The following MICU3 variants were observed in gnomAD, a reference collection of about 807,000 sequenced individuals.
MICU3 encodes the protein mitochondrial calcium uptake 3.
Under a neutral mutation model 66.5 loss-of-function variants are expected in MICU3, and 62 were observed. The observed-to-expected ratio is 0.93, with a 90% CI of 0.76 to 1.15. The LOEUF is 1.15. Ranked by LOEUF, MICU3 falls within the 50% of genes most tolerant of loss-of-function variation. The pLI, the probability that MICU3 is intolerant of heterozygous loss-of-function variation, is 0.00. For missense variants in MICU3, 779 were observed against 664.4 expected (o/e 1.17, Z -1.90); for synonymous variants, 308 against 240.7 (o/e 1.28, Z -2.59).
the MICU3 span, among the ~76,000 whole-genome samples, chr8:17,136,895 C>T: frequency 3.3e-5 from 5 of 149,506 alleles, no homozygotes; most frequent in African/African-American, 1.2e-4. Flanking sequence ...AGTGCAATGG[C>T]GTGATCTCAG....
intron 1 of MICU3, among the ~76,000 whole-genome samples, chr8:17,040,639 A>G (rs1349202801): frequency 2.6e-5 from 4 of 152,202 alleles, no homozygotes; most frequent in East Asian, 1.9e-4. Context: ...CCCCATAAAC[A>G]TATGAAAAAA....
At chr8:17,063,428 T>C (rs1009556240) in intron 1 of MICU3, among the ~76,000 whole-genome samples, 1 of 151,868 alleles carries the variant, frequency 6.6e-6, no homozygotes, top group Non-Finnish European at 1.5e-5. Flanking sequence ...ATCAGGAAAA[T>C]AAATCCTTTT....
At chr8:17,114,915 C>T (rs1297602120) in intron 12 of MICU3, among the ~76,000 whole-genome samples, 1 of 151,880 alleles carries the variant, frequency 6.6e-6, no homozygotes, top group South Asian at 2.1e-4. Flanking sequence ...GTCAGGAGAT[C>T]GAGACCATCC....
chr8:17,042,662 T>A (rs2150531845), intron 1 of MICU3, among the ~76,000 whole-genome samples: 1 of 152,332 alleles, frequency 6.6e-6, no homozygotes, highest in Non-Finnish European at 1.5e-5. Context: ...GTTATTTTTC[T>A]AAATTAGAAA....
chr8:17,074,133 G>A (rs998094050), intron 3 of MICU3, among the ~76,000 whole-genome samples: 50 of 151,218 alleles, frequency 3.3e-4, no homozygotes, highest in African/African-American at 1.2e-4. Flanking sequence ...TGATCCGCCC[G>A]CCTCGGCCTC....
At chr8:17,060,774 T>G (rs1442133015) in intron 1 of MICU3, among the ~76,000 whole-genome samples, 2 of 152,046 alleles carry the variant, frequency 1.3e-5, no homozygotes, top group Non-Finnish European at 2.9e-5. Context: ...TTATCTCTTT[T>G]ATACATATTC....
Position 17,046,571 on chromosome 8 carries a change from A to G in MICU3, c.382-17513A>G, listed in dbSNP as rs184738716. ...AGGGACAGAAATAAAGAAGAAACTA[A>G]TAACTGCAATGGTGTGTGAACTGTG... On this transcript the variant is annotated intron_variant, in intron 1 of 14. Coordinates refer to ENST00000318063, the MANE Select transcript of MICU3 (RefSeq NM_181723.3). 1.8e-3 allele frequency among the ~76,000 whole-genome samples: 268 copies of G among 152,274 alleles called. 6 individuals are homozygous for G. The highest frequency in any genetic ancestry group is 0.017 in the Admixed American group (266 of 15,296).
intron 11 of MICU3, among the ~76,000 whole-genome samples, chr8:17,113,278 C>A (rs1162565851): frequency 3.3e-5 from 5 of 152,234 alleles, no homozygotes. Flanking sequence ...GCTCTTCTCT[C>A]TGTTCTCTTT....
intron 1 of MICU3, among the ~76,000 whole-genome samples, chr8:17,045,045 T>C (rs1396938518): frequency 6.7e-6 from 1 of 148,212 alleles, no homozygotes; most frequent in African/African-American, 2.5e-5. Context: ...CCAGGGCTCT[T>C]TTTTTTTTTT....
intron 13 of MICU3, among the ~76,000 whole-genome samples, chr8:17,117,899 G>A (rs938528046): frequency 2.0e-5 from 3 of 152,094 alleles, no homozygotes; most frequent in East Asian, 1.9e-4. Flanking sequence ...ATGAGCCACC[G>A]TACCCGGCCA....
chr8:17,034,668 G>A (rs1400074357), intron 1 of MICU3, among the ~76,000 whole-genome samples: 1 of 152,216 alleles, frequency 6.6e-6, no homozygotes, highest in Non-Finnish European at 1.5e-5. Context: ...AGTGAAGGAA[G>A]TAGCTGCAGA....
intron 9 of MICU3, among the ~76,000 whole-genome samples, chr8:17,103,782 G>C (rs1801488375): frequency 6.6e-6 from 1 of 151,810 alleles, no homozygotes; most frequent in Non-Finnish European, 1.5e-5. Flanking sequence ...GACGTGTTAC[G>C]TAAGACTTTG....
chr8:17,049,690 G>A (rs1217351191), intron 1 of MICU3: 4 of 508,320 alleles, frequency 7.9e-6, no homozygotes, highest in African/African-American at 1.9e-5. Context: ...AAAAACACTG[G>A]GTTGTGTGTT....
downstream of MICU3, among the ~76,000 whole-genome samples, chr8:17,127,386 G>A (rs1454684105): frequency 6.6e-6 from 1 of 152,120 alleles, no homozygotes; most frequent in African/African-American, 2.4e-5. Context: ...CTGCTAAGTA[G>A]GCAAATTTAA....
intron 1 of MICU3, among the ~76,000 whole-genome samples, chr8:17,055,770 C>T (rs1816822330): frequency 6.6e-6 from 1 of 152,180 alleles, no homozygotes; most frequent in Admixed American, 6.5e-5. Context: ...TCTCTTGGGG[C>T]TCTTATGTGA....
chr8:17,109,057 A>G (rs1478015478), intron 11 of MICU3, among the ~76,000 whole-genome samples: 2 of 152,092 alleles, frequency 1.3e-5, no homozygotes, highest in Non-Finnish European at 2.9e-5. Context: ...TTTCTAATCT[A>G]ATATATAAAT....
At chr8:17,036,915 G>A (rs967089088) in intron 1 of MICU3, among the ~76,000 whole-genome samples, 6 of 152,234 alleles carry the variant, frequency 3.9e-5, no homozygotes, top group Non-Finnish European at 1.5e-5. Context: ...CCACGGAGTG[G>A]GTGGGAGGCT....
At chr8:17,110,960 A>G (rs995375332) in intron 11 of MICU3, among the ~76,000 whole-genome samples, 2 of 152,166 alleles carry the variant, frequency 1.3e-5, no homozygotes, top group Non-Finnish European at 2.9e-5. Flanking sequence ...ATAATAGTCC[A>G]TTTTATGTAA....
chr8:17,042,112 C>A (rs771123210), intron 1 of MICU3, among the ~76,000 whole-genome samples: 1 of 152,130 alleles, frequency 6.6e-6, no homozygotes, highest in Non-Finnish European at 1.5e-5. Context: ...TTTTACTATT[C>A]TAATTTATAA....
Sources: allele counts gnomAD v4.1 joint callset (sites outside exome capture counted in the v4.1 genomes callset), GRCh38; gene constraint gnomAD v4.1.1; transcripts MANE v1.5; gene names NCBI Gene and HGNC (gene_info 2026-07-23, HGNC 2026-07-21).